The following RSPO2 variants were observed in gnomAD, a reference collection of about 807,000 sequenced individuals.
RSPO2 encodes the protein R-spondin 2.
A neutral mutation model predicts 30.9 loss-of-function variants in RSPO2; 14 were observed. That is an observed-to-expected ratio of 0.45 (90% CI 0.30 to 0.71). The LOEUF (loss-of-function observed/expected upper bound fraction) is 0.71, where lower values mean the gene tolerates loss of function less well. RSPO2 is among the 30% of genes least tolerant of loss of function. The probability of loss-of-function intolerance (pLI) is 0.08; values close to 1 mark genes in which losing one functional copy is unlikely to be tolerated. For missense variants in RSPO2, 264 were observed against 301.9 expected (o/e 0.87, Z 0.93); for synonymous variants, 107 against 96.4 (o/e 1.11, Z -0.64).
intron 2 of RSPO2, among the ~76,000 whole-genome samples, chr8:108,014,708 TA>T (rs2130595231): frequency 6.6e-6 from 1 of 150,868 alleles, no homozygotes; most frequent in South Asian, 2.1e-4. Flanking sequence ...GTGGGGGGGC[TA>T]GGGGAGGGAT....
intron 5 of RSPO2, among the ~76,000 whole-genome samples, chr8:107,927,789 T>C (rs1008217704): frequency 6.6e-6 from 1 of 151,654 alleles, no homozygotes; most frequent in Non-Finnish European, 1.5e-5. Flanking sequence ...TACTGCTGGA[T>C]TCGGTTTTCC....
intron 5 of RSPO2, among the ~76,000 whole-genome samples, chr8:107,910,506 C>T (rs1388563759): frequency 6.6e-6 from 1 of 152,156 alleles, no homozygotes. Context: ...ATACTCCAGC[C>T]TGGGTGACAA....
At chr8:107,936,179 C>T (rs947087931) in intron 5 of RSPO2, among the ~76,000 whole-genome samples, 41 of 152,114 alleles carry the variant, frequency 2.7e-4, no homozygotes, top group Admixed American at 7.2e-4. Flanking sequence ...TTAGCTTCTA[C>T]ATATGAGAAC....
In RSPO2 at chr8:107,914,439, G is replaced by T. The variant is rs575447245; in HGVS notation, c.617-13249C>A. On this transcript the variant is annotated intron_variant, in intron 5 of 5. Coordinates refer to ENST00000276659, the MANE Select transcript of RSPO2 (RefSeq NM_178565.5). ...AATGCATTGTCAAGAAATTTAAAAA[G>T]ATGTCAATGCTCACAGAATAGGTAA... Among the ~76,000 whole-genome samples, 81 of 150,712 alleles carry T rather than the reference G, an allele frequency of 5.4e-4. 1 individual carries two copies. Among genetic ancestry groups the T allele is most frequent in the African/African-American group, 1.9e-3 (79 of 41,116 alleles).
intron 2 of RSPO2, among the ~76,000 whole-genome samples, chr8:108,051,548 T>A (rs80288893): frequency 0.026 from 3,988 of 152,280 alleles, 159 homozygotes; most frequent in African/African-American, 0.089. Context: ...GTGAATGGTT[T>A]GAGAGCAGGG....
At chr8:108,031,751 A>G (rs1008455891) in intron 2 of RSPO2, among the ~76,000 whole-genome samples, 1 of 152,188 alleles carries the variant, frequency 6.6e-6, no homozygotes, top group Non-Finnish European at 1.5e-5. Context: ...GAGGGAAAAA[A>G]TGACCTTGAA....
intron 5 of RSPO2, among the ~76,000 whole-genome samples, chr8:107,926,141 T>A (rs1252847352): frequency 6.6e-6 from 1 of 152,224 alleles, no homozygotes; most frequent in Non-Finnish European, 1.5e-5. Context: ...TGATTTGCAT[T>A]TCTCTGATGG....
In RSPO2 at chr8:108,040,883, G is replaced by C. The variant is rs576593013; in HGVS notation, c.94+41662C>G. Among the ~76,000 whole-genome samples the C allele has an allele frequency of 2.0e-5, 3 of 152,258 alleles. No individual in the cohort carries two copies. The East Asian group carries it at 5.8e-4, about 29-fold the overall frequency. ...GGAGGTCTAAAACAGAATATTTGAA[G>C]ATGTCAAATTGCCAACCTGTAGAAA... On this transcript the variant is annotated intron_variant, in intron 2 of 5. Coordinates refer to ENST00000276659, the MANE Select transcript of RSPO2 (RefSeq NM_178565.5).
At chr8:107,950,433 G>A (rs1232239517) in intron 5 of RSPO2, among the ~76,000 whole-genome samples, 1 of 151,356 alleles carries the variant, frequency 6.6e-6, no homozygotes, top group Non-Finnish European at 1.5e-5. Context: ...TTTTATTCGG[G>A]CCTGAGCTCT....
chr8:107,952,211 T>C (rs1563536189), intron 5 of RSPO2, among the ~76,000 whole-genome samples: 1 of 151,882 alleles, frequency 6.6e-6, no homozygotes, highest in Admixed American at 6.6e-5. Context: ...AACTTAATAA[T>C]TATACACTAA....
At chr8:108,014,297 G>C (rs760211421) in intron 2 of RSPO2, among the ~76,000 whole-genome samples, 8 of 152,040 alleles carry the variant, frequency 5.3e-5, no homozygotes, top group Non-Finnish European at 1.0e-4. Context: ...ATTCCTCAAG[G>C]ATCTAGAACC....
At chr8:108,021,776 G>A in intron 2 of RSPO2, among the ~76,000 whole-genome samples, 1 of 152,094 alleles carries the variant, frequency 6.6e-6, no homozygotes, top group East Asian at 1.9e-4. Flanking sequence ...GTCGGGGGCA[G>A]GGGTTGGGGA....
intron 3 of RSPO2, among the ~76,000 whole-genome samples, chr8:107,974,770 G>A (rs1358770924): frequency 1.3e-5 from 2 of 151,990 alleles, no homozygotes; most frequent in African/African-American, 4.8e-5. Context: ...CCAGATCTAT[G>A]TATATAATTT....
chr8:107,945,574 C>T (rs984387995), intron 5 of RSPO2, among the ~76,000 whole-genome samples: 4 of 151,976 alleles, frequency 2.6e-5, no homozygotes, highest in Admixed American at 1.3e-4. Flanking sequence ...TATTGTATGC[C>T]CCAATTTTTA....
chr8:107,929,353 C>T (rs995964628), intron 5 of RSPO2, among the ~76,000 whole-genome samples: 1 of 152,164 alleles, frequency 6.6e-6, no homozygotes, highest in South Asian at 2.1e-4. Context: ...GGATGTTTAC[C>T]AAAAAGAAAT....
intron 2 of RSPO2, among the ~76,000 whole-genome samples, chr8:108,040,664 T>C (rs1175058398): frequency 2.0e-5 from 3 of 152,148 alleles, no homozygotes; most frequent in African/African-American, 7.2e-5. Context: ...TGATGACTAA[T>C]GTGGTTTGAG....
rs150201038 is a variant in RSPO2 at position 108,053,889 on chromosome 8, G to A, written c.94+28656C>T. 2.6e-3 allele frequency among the ~76,000 whole-genome samples: 396 copies of A among 152,136 alleles called. 3 individuals are homozygous for A. The highest frequency in any genetic ancestry group is 8.9e-3 in the African/African-American group (371 of 41,500). ...AGCACCCCAGCCTGGGCAGCAGAGC[G>A]AGATCCTGTCTCTACCAAAGAAAAT... On this transcript the variant is annotated intron_variant, in intron 2 of 5. Coordinates refer to ENST00000276659, the MANE Select transcript of RSPO2 (RefSeq NM_178565.5).
intron 2 of RSPO2, among the ~76,000 whole-genome samples, chr8:108,038,345 G>A (rs7011729): frequency 0.06 from 9,149 of 152,224 alleles, 784 homozygotes; most frequent in African/African-American, 0.19. Flanking sequence ...TGGATGAGGA[G>A]TTGCTTCTTA....
At position 108,063,571 on chromosome 8, in the gene RSPO2, A is replaced by G. The variant is rs192265274; in HGVS notation, c.94+18974T>C. ...GGAAGAATATTCCATGCTCATGGAC[A>G]GGAAGAATCAATATCATGAAAATGG... is the stretch of plus-strand genomic sequence containing the variant. On this transcript the variant is annotated intron_variant, in intron 2 of 5. Coordinates refer to ENST00000276659, the MANE Select transcript of RSPO2 (RefSeq NM_178565.5). Among the ~76,000 whole-genome samples the G allele has an allele frequency of 4.2e-3, 631 of 152,004 alleles. 16 individuals are homozygous for G. Among genetic ancestry groups the G allele is most frequent in the African/African-American group, 0.015 (601 of 41,248 alleles).
Sources: gnomAD v4.1 joint callset for allele counts (sites outside exome capture counted in the v4.1 genomes callset) on GRCh38, gnomAD v4.1.1 for gene constraint, MANE v1.5 for transcripts, NCBI Gene and HGNC (gene_info 2026-07-23, HGNC 2026-07-21) for gene names.